Variants in MICAL2 observed in about 807,000 individuals in gnomAD.
MICAL2 encodes microtubule associated monooxygenase, calponin and LIM domain containing 2.
A neutral mutation model predicts 127.3 loss-of-function variants in MICAL2; 77 were observed. The ratio of observed to expected loss-of-function variants is 0.60; its 90% CI spans 0.50 to 0.73. The LOEUF is 0.73. Among genes scored for constraint, MICAL2 ranks in the 30% least tolerant of loss-of-function variants. The pLI is 0.00. For synonymous variants in MICAL2, 570 were observed against 551.1 expected (o/e 1.03, Z -0.48); for missense variants, 1,351 against 1,434.4 (o/e 0.94, Z 0.94).
intron 29 of MICAL2, among the ~76,000 whole-genome samples, chr11:12,314,830 T>C (rs143798350): frequency 6.6e-6 from 1 of 152,148 alleles, no homozygotes; most frequent in Admixed American, 6.6e-5. Context: ...TTTTGTGTGA[T>C]TGCTGTCATA....
chr11:12,238,538 G>A (rs1859417076), intron 16 of MICAL2, among the ~76,000 whole-genome samples: 1 of 152,012 alleles, frequency 6.6e-6, no homozygotes, highest in African/African-American at 2.4e-5. Flanking sequence ...CAGATTGAGG[G>A]GCTTTCTATT....
At chr11:12,144,873 T>G (rs1852732890) in intron 2 of MICAL2, among the ~76,000 whole-genome samples, 1 of 152,202 alleles carries the variant, frequency 6.6e-6, no homozygotes, top group Admixed American at 6.5e-5. Context: ...TAACCTTACT[T>G]GGCTTTACAG....
chr11:12,245,044 C>G (rs1278704558), intron 21 of MICAL2, among the ~76,000 whole-genome samples: 1 of 152,152 alleles, frequency 6.6e-6, no homozygotes, highest in East Asian at 1.9e-4. Flanking sequence ...TTTAGGGGTG[C>G]TTTTCATGTT....
intron 2 of MICAL2, among the ~76,000 whole-genome samples, chr11:12,283,896 T>C (rs930580505): frequency 2.0e-5 from 3 of 152,160 alleles, no homozygotes; most frequent in Admixed American, 2.0e-4. Context: ...GGGTCAGGGA[T>C]TCGTGATAAT....
downstream of MICAL2, among the ~76,000 whole-genome samples, chr11:12,296,300 A>G (rs2134794933): frequency 6.6e-6 from 1 of 151,756 alleles, no homozygotes; most frequent in African/African-American, 2.4e-5. Context: ...TCTATTTTGA[A>G]ACATAAGTTT....
intron 15 of MICAL2, among the ~76,000 whole-genome samples, chr11:12,232,658 G>T (rs1858456098): frequency 6.6e-6 from 1 of 152,162 alleles, no homozygotes; most frequent in Non-Finnish European, 1.5e-5. Context: ...GGAGGCAGAG[G>T]TTGCAGTGAG....
At chr11:12,211,589 G>T (rs545668277) in intron 6 of MICAL2, among the ~76,000 whole-genome samples, 39 of 152,262 alleles carry the variant, frequency 2.6e-4, no homozygotes, top group African/African-American at 9.1e-4. Context: ...CATGCCTGGG[G>T]GCAGGGGCAC....
intron 2 of MICAL2, among the ~76,000 whole-genome samples, chr11:12,286,442 C>T (rs1863827879): frequency 6.6e-6 from 1 of 152,210 alleles, no homozygotes. Flanking sequence ...CGTATGTACA[C>T]ATGCATGTAT....
chr11:12,277,621 C>A (rs556546490), intron 1 of MICAL2, among the ~76,000 whole-genome samples: 1 of 152,072 alleles, frequency 6.6e-6, no homozygotes, highest in Non-Finnish European at 1.5e-5. Flanking sequence ...AAGGTCGGTG[C>A]GGCAGGTACA....
At chr11:12,268,894 G>A (rs1405747837) in intron 24 of MICAL2, among the ~76,000 whole-genome samples, 1 of 152,126 alleles carries the variant, frequency 6.6e-6, no homozygotes, top group African/African-American at 2.4e-5. Context: ...AGCTACTCGG[G>A]AGGCTGAGGC....
At chr11:12,347,927 G>A (rs1938982463) in intron 32 of MICAL2, among the ~76,000 whole-genome samples, 1 of 152,082 alleles carries the variant, frequency 6.6e-6, no homozygotes, top group Non-Finnish European at 1.5e-5. Flanking sequence ...GCCAAGGCGA[G>A]AGGACCATCT....
intron 2 of MICAL2, among the ~76,000 whole-genome samples, chr11:12,141,870 C>T (rs1852384275): frequency 6.6e-6 from 1 of 152,150 alleles, no homozygotes; most frequent in Admixed American, 6.5e-5. Context: ...CTCAGATGGA[C>T]AACCAATATG....
chr11:12,217,639 G>A (rs971252984), intron 8 of MICAL2, among the ~76,000 whole-genome samples: 3 of 152,130 alleles, frequency 2.0e-5, no homozygotes, highest in Admixed American at 6.5e-5. Context: ...AAAGCTTGAT[G>A]GGTTTTGTGT....
chr11:12,118,895 G>A (rs1239636046), intron 1 of MICAL2, among the ~76,000 whole-genome samples: 3 of 152,082 alleles, frequency 2.0e-5, no homozygotes, highest in East Asian at 1.9e-4. Flanking sequence ...CACATTTAAC[G>A]AGTGACCCAT....
At chr11:12,215,546 A>T (rs892396993) in intron 7 of MICAL2, among the ~76,000 whole-genome samples, 1 of 152,156 alleles carries the variant, frequency 6.6e-6, no homozygotes, top group African/African-American at 2.4e-5. Flanking sequence ...GATAATTTGC[A>T]TTGCTAGTAT....
intron 29 of MICAL2, among the ~76,000 whole-genome samples, chr11:12,314,688 G>T (rs7115121): frequency 7.6e-6 from 1 of 131,302 alleles, no homozygotes; most frequent in Non-Finnish European, 1.6e-5. Context: ...GGGTTTCACC[G>T]TGTTAGCCAG....
chr11:12,333,109 A>G (rs1312184673), intron 32 of MICAL2, among the ~76,000 whole-genome samples: 3 of 152,188 alleles, frequency 2.0e-5, no homozygotes, highest in Admixed American at 6.5e-5. Context: ...GTTGTTTTTT[A>G]AAAATAAGAC....
intron 24 of MICAL2, chr11:12,257,212 C>CA: frequency 2.2e-6 from 1 of 453,024 alleles, no homozygotes; most frequent in Non-Finnish European, 3.9e-6. Flanking sequence ...CTGGTGGGCA[C>CA]CTGTGTGCCC....
intron 2 of MICAL2, chr11:12,286,933 A>G: frequency 2.6e-6 from 1 of 391,226 alleles, no homozygotes; most frequent in Non-Finnish European, 4.5e-6. Context: ...GGACAGCAGT[A>G]TGGTGTGAGG....
Sources: allele counts gnomAD v4.1 joint callset (sites outside exome capture counted in the v4.1 genomes callset), GRCh38; gene constraint gnomAD v4.1.1; transcripts MANE v1.5; gene names NCBI Gene and HGNC (gene_info 2026-07-23, HGNC 2026-07-21).